GPC6: variants seen among roughly 807,000 people sequenced by gnomAD.
GPC6 encodes glypican 6, also known as glypican-6.
In GPC6, 14 loss-of-function variants were observed where a neutral mutation model predicts 55.2. That is an observed-to-expected ratio of 0.25 (90% CI 0.17 to 0.40). The LOEUF is 0.40. GPC6 is among the 10% of genes least tolerant of loss of function. GPC6 has a pLI of 1.00. For synonymous variants in GPC6, 278 were observed against 259.6 expected, an observed-to-expected ratio of 1.07 and a Z score of -0.68; for missense variants, 641 against 708.5, an observed-to-expected ratio of 0.90 and a Z score of 1.08.
At chr13:93,975,389 G>A (rs1466157520) in intron 3 of GPC6, among the ~76,000 whole-genome samples, 1 of 152,124 alleles carries the variant, frequency 6.6e-6, no homozygotes. Flanking sequence ...GAGGGGTGGA[G>A]CATGGTGAGT....
At chr13:94,372,457 G>A (rs1258939407) in intron 6 of GPC6, among the ~76,000 whole-genome samples, 1 of 152,200 alleles carries the variant, frequency 6.6e-6, no homozygotes, top group Non-Finnish European at 1.5e-5. Flanking sequence ...GTGACTGACG[G>A]CACCTGGAAA....
intron 3 of GPC6, among the ~76,000 whole-genome samples, chr13:93,887,549 C>T (rs1347964528): frequency 6.6e-6 from 1 of 152,004 alleles, no homozygotes; most frequent in Admixed American, 6.6e-5. Flanking sequence ...ATACTAATAC[C>T]TCTTATCAGT....
chr13:94,087,715 C>T (rs192795670), intron 4 of GPC6, among the ~76,000 whole-genome samples: 28 of 152,276 alleles, frequency 1.8e-4, no homozygotes, highest in Admixed American at 5.2e-4. Context: ...TTACCTACTG[C>T]CCTTCAATGG....
chr13:93,799,378 T>G (rs1886300333), intron 2 of GPC6, among the ~76,000 whole-genome samples: 2 of 152,344 alleles, frequency 1.3e-5, no homozygotes, highest in African/African-American at 4.8e-5. Context: ...TATCTAACTT[T>G]TTCTAGTTAT....
intron 4 of GPC6, among the ~76,000 whole-genome samples, chr13:94,205,374 C>A (rs1889870931): frequency 6.6e-6 from 1 of 152,148 alleles, no homozygotes; most frequent in African/African-American, 2.4e-5. Context: ...TGTATTTTTG[C>A]AGCCAGTATT....
intron 2 of GPC6, among the ~76,000 whole-genome samples, chr13:93,591,166 A>T (rs1163632909): frequency 2.0e-5 from 3 of 151,770 alleles, no homozygotes; most frequent in Non-Finnish European, 4.4e-5. Context: ...AAAGAAAAAA[A>T]AAAAAGGAAA....
At chr13:93,666,333 A>C (rs995306452) in intron 2 of GPC6, among the ~76,000 whole-genome samples, 18 of 151,962 alleles carry the variant, frequency 1.2e-4, no homozygotes, top group African/African-American at 3.9e-4. Flanking sequence ...TTTGATTTTC[A>C]ATTTATACTT....
chr13:94,368,416 G>A (rs1254521906), intron 6 of GPC6, among the ~76,000 whole-genome samples: 3 of 152,106 alleles, frequency 2.0e-5, no homozygotes, highest in African/African-American at 7.2e-5. Context: ...AAGAAAACAT[G>A]TTATTAGTAC....
chr13:93,820,481 T>C (rs1037521034), intron 2 of GPC6, among the ~76,000 whole-genome samples: 3 of 152,098 alleles, frequency 2.0e-5, no homozygotes, highest in South Asian at 2.1e-4. Context: ...AATATACTTA[T>C]GATTTTCTGA....
intron 2 of GPC6, among the ~76,000 whole-genome samples, chr13:93,674,236 T>C (rs1881488172): frequency 6.6e-6 from 1 of 152,164 alleles, no homozygotes; most frequent in Admixed American, 6.5e-5. Context: ...AAAGGTTGCC[T>C]TTAAACAGTG....
chr13:94,055,626 A>C lies in GPC6; in HGVS notation c.877+27732A>C, dbSNP rs961433231. ...CAAATTAATGGGTACACTTTTTAGC[A>C]AAGAACCTTTATCACTTGGAGTCTT... On this transcript the variant is annotated intron_variant, in intron 4 of 8. Coordinates refer to ENST00000377047, the MANE Select transcript of GPC6 (RefSeq NM_005708.5). Among the ~76,000 whole-genome samples, 22 of 152,298 alleles carry C rather than the reference A, an allele frequency of 1.4e-4. 1 individual carries two copies. The highest frequency in any genetic ancestry group is 5.3e-4 in the African/African-American group (22 of 41,572).
chr13:93,698,728 C>T (rs559621338), intron 2 of GPC6, among the ~76,000 whole-genome samples: 3 of 151,902 alleles, frequency 2.0e-5, no homozygotes, highest in East Asian at 1.9e-4. Context: ...ACTCACTTAC[C>T]GATGGTTCTT....
At position 94,295,173 on chromosome 13, in the gene GPC6, T is replaced by A. The variant is rs146992933; in HGVS notation, c.1008+8694T>A. On this transcript the variant is annotated intron_variant, in intron 5 of 8. Coordinates refer to ENST00000377047, the MANE Select transcript of GPC6 (RefSeq NM_005708.5). ...GATCTAGTTGTTCTATGTTGTGTGATTTGGGGCAAATTTTTTATCTGTCTA... is the reference window on the plus strand; with the variant it reads ...GATCTAGTTGTTCTATGTTGTGTGAATTGGGGCAAATTTTTTATCTGTCTA... 1.4e-4 allele frequency among the ~76,000 whole-genome samples: 21 copies of A among 152,234 alleles called. No individual in the cohort carries two copies. In the East Asian group the frequency reaches 3.9e-3, roughly 28 times the overall value.
At chr13:94,024,272 G>A (rs1474915380) in intron 3 of GPC6, among the ~76,000 whole-genome samples, 1 of 151,996 alleles carries the variant, frequency 6.6e-6, no homozygotes, top group Non-Finnish European at 1.5e-5. Flanking sequence ...TTGAAGGAAG[G>A]ATACACAGGA....
chr13:93,999,387 C>T lies in GPC6; in HGVS notation c.712-28342C>T, dbSNP rs970799357. On this transcript the variant is annotated intron_variant, in intron 3 of 8. Coordinates refer to ENST00000377047, the MANE Select transcript of GPC6 (RefSeq NM_005708.5). ...ATCTTTTTTATGGCTGCATAGTATT[C>T]CATGGTGCATATGTGCCACATTTTC... Among the ~76,000 whole-genome samples the T allele has an allele frequency of 4.6e-5, 7 of 152,172 alleles. No homozygotes were observed. In the East Asian group the frequency reaches 1.3e-3, roughly 29 times the overall value.
chr13:94,162,126 A>G (rs59537073), intron 4 of GPC6, among the ~76,000 whole-genome samples: 2,049 of 152,286 alleles, frequency 0.013, 24 homozygotes, highest in African/African-American at 0.033. Flanking sequence ...ACACAGCCAA[A>G]CCATATCAAT....
At chr13:93,699,457 A>T (rs1882594327) in intron 2 of GPC6, among the ~76,000 whole-genome samples, 1 of 152,082 alleles carries the variant, frequency 6.6e-6, no homozygotes, top group Non-Finnish European at 1.5e-5. Flanking sequence ...CATCCATGTG[A>T]CACCACTGTA....
At chr13:93,466,421 T>A (rs1878907200) in intron 1 of GPC6, among the ~76,000 whole-genome samples, 1 of 152,192 alleles carries the variant, frequency 6.6e-6, no homozygotes, top group Admixed American at 6.5e-5. Context: ...ACATAGAAAA[T>A]TTTGCTAACC....
At chr13:93,478,765 G>A (rs1879393474) in intron 1 of GPC6, among the ~76,000 whole-genome samples, 1 of 152,146 alleles carries the variant, frequency 6.6e-6, no homozygotes, top group Non-Finnish European at 1.5e-5. Context: ...TCTATGAAGT[G>A]TACCTGAACT....
Sources: allele counts gnomAD v4.1 joint callset (sites outside exome capture counted in the v4.1 genomes callset), GRCh38; gene constraint gnomAD v4.1.1; transcripts MANE v1.5; gene names NCBI Gene and HGNC (gene_info 2026-07-23, HGNC 2026-07-21).